The following IKZF2 variants were observed in gnomAD, a reference collection of about 807,000 sequenced individuals.
The protein encoded by IKZF2 is zinc finger protein Helios.
IKZF2 carries 15 observed loss-of-function variants against 49.2 expected under a neutral mutation model. The ratio of observed to expected loss-of-function variants is 0.30; its 90% CI spans 0.20 to 0.47. The LOEUF is 0.47. Ranked by LOEUF, IKZF2 falls within the 20% of genes least tolerant of loss-of-function variation. IKZF2 has a pLI of 1.00. For missense variants in IKZF2, 567 were observed against 664.6 expected (o/e 0.85, Z 1.61); for synonymous variants, 227 against 221.4 (o/e 1.03, Z -0.23).
At chr2:213,034,154 T>C (rs1303375719) in intron 6 of IKZF2, among the ~76,000 whole-genome samples, 1 of 152,240 alleles carries the variant, frequency 6.6e-6, no homozygotes. Context: ...AAATTGAATA[T>C]TGTTAGGGTC....
chr2:213,124,806 G>A (rs1001179064), intron 4 of IKZF2, among the ~76,000 whole-genome samples: 11 of 152,146 alleles, frequency 7.2e-5, no homozygotes, highest in African/African-American at 2.4e-4. Context: ...CAAACTCAGA[G>A]TTCTCTACCA....
Position 213,056,864 on chromosome 2 carries a change from A to T in IKZF2, c.375T>A (p.Asn125Lys), listed in dbSNP as rs764486924. 1 of 1,613,802 alleles carries T rather than the reference A, an allele frequency of 6.2e-7. No individual in the cohort carries two copies. Reference sequence around the variant, plus strand: ...GACTCCTTTTATGTACCATAAGCACATTGGGCCCAATGCAAACCATGCCAC... The same window carrying T: ...GACTCCTTTTATGTACCATAAGCACTTTGGGCCCAATGCAAACCATGCCAC... ...DVCGMVCIGP[N>K]VLMVHKRSHT... The change falls in exon 5 of 9, where the codon AAT becomes AAA. Residue 125 changes from asparagine to lysine, a missense_variant. Asn to Lys is a moderately conservative substitution (Grantham distance 94, BLOSUM62 0). Coordinates refer to ENST00000434687, the MANE Select transcript of IKZF2 (RefSeq NM_001387220.1).
chr2:213,131,744 T>C (rs539768865), intron 4 of IKZF2, among the ~76,000 whole-genome samples: 1 of 152,262 alleles, frequency 6.6e-6, no homozygotes, highest in Non-Finnish European at 1.5e-5. Flanking sequence ...AACTGCCTTC[T>C]GGGTAAGACT....
chr2:213,005,383 T>C lies in IKZF2; in HGVS notation c.*1977A>G, dbSNP rs533158357. 1 of 152,068 alleles carries C rather than the reference T, an allele frequency of 6.6e-6. No homozygotes were observed. The highest frequency in any genetic ancestry group is 2.1e-4 in the South Asian group (1 of 4,816). The allele number at this position is 152,068 out of a possible 1,614,324, so 9.4% of individuals were successfully genotyped here. On this transcript the variant is annotated 3_prime_UTR_variant, in exon 9 of 9. Coordinates refer to ENST00000434687, the MANE Select transcript of IKZF2 (RefSeq NM_001387220.1). ...CAAAAATAATTATGACAGGGACTAG[T>C]AGAAGAGAGCTGAGTTCTAACCATT...
intron 6 of IKZF2, among the ~76,000 whole-genome samples, chr2:213,047,035 A>T (rs980749938): frequency 5.3e-5 from 8 of 152,142 alleles, no homozygotes; most frequent in African/African-American, 1.9e-4. Context: ...TCAACCAAGC[A>T]AGTAGTGGCA....
At chr2:213,048,804 C>CA (rs1700408464) in intron 6 of IKZF2, among the ~76,000 whole-genome samples, 1 of 151,942 alleles carries the variant, frequency 6.6e-6, no homozygotes, top group Admixed American at 6.6e-5. Flanking sequence ...AGAGATAATA[C>CA]AATAAGCATT....
intron 5 of IKZF2, among the ~76,000 whole-genome samples, chr2:213,050,957 A>G (rs918649453): frequency 4.6e-5 from 7 of 152,136 alleles, no homozygotes; most frequent in African/African-American, 1.7e-4. Flanking sequence ...GAATAAAAAG[A>G]ACATTACAAA....
intron 4 of IKZF2, among the ~76,000 whole-genome samples, chr2:213,089,137 C>A (rs940836016): frequency 6.6e-6 from 1 of 152,172 alleles, no homozygotes; most frequent in East Asian, 1.9e-4. Flanking sequence ...TTCCCCAAGT[C>A]AGTAAGTGAC....
chr2:213,096,732 G>A (rs1205995103), intron 4 of IKZF2, among the ~76,000 whole-genome samples: 1 of 151,934 alleles, frequency 6.6e-6, no homozygotes, highest in Non-Finnish European at 1.5e-5. Flanking sequence ...ATTATTAGGT[G>A]AAAAGAGAGG....
upstream of IKZF2, chr2:213,151,736 C>CGGCGGGCGGCT (rs1553606346): frequency 6.1e-5 from 9 of 146,706 alleles, no homozygotes; most frequent in Admixed American, 2.0e-4. Flanking sequence ...GCGGCGGCGG[C>CGGCGGGCGGCT]GGCGGCGGGC....
rs1491243894 is a variant in IKZF2, at chr2:213,124,235, T to TGCACTCGCGC, written c.139+23472_139+23473insGCGCGAGTGC. 3.1e-3 allele frequency among the ~76,000 whole-genome samples: 361 copies of TGCACTCGCGC among 114,998 alleles called. 10 individuals are homozygous for TGCACTCGCGC. The highest frequency in any genetic ancestry group is 0.022 in the Admixed American group (243 of 11,232). The allele number at this position is 114,998 out of a possible 152,430, so 75.4% of individuals were successfully genotyped here. ...GCATGTCCTTGTGTGCACGCACACA[T>TGCACTCGCGC]GCGCTCGCGCGCGCGCGCACACACA... On this transcript the variant is annotated intron_variant, in intron 4 of 8. Transcript: ENST00000434687.
At chr2:213,084,830 A>G (rs1373369038) in intron 4 of IKZF2, among the ~76,000 whole-genome samples, 2 of 152,208 alleles carry the variant, frequency 1.3e-5, no homozygotes, top group Non-Finnish European at 2.9e-5. Context: ...TTGCTCATGT[A>G]GTATCCCTTT....
intron 4 of IKZF2, among the ~76,000 whole-genome samples, chr2:213,079,414 AGCAT>A (rs149356025): frequency 0.41 from 57,298 of 140,328 alleles, 12,190 homozygotes; most frequent in African/African-American, 0.5. Context: ...GAAGGAAGGA[AGCAT>A]GGAAGGAAGG....
At position 213,004,102 on chromosome 2, in the gene IKZF2, C is replaced by A. The variant is rs1038702189; in HGVS notation, c.*3258G>T. On this transcript the variant is annotated 3_prime_UTR_variant, in exon 9 of 9. Transcript: ENST00000434687. The stretch of plus-strand genomic sequence containing the variant: ...CATTTAAATTCTCTGTATGTTTTTG[C>A]AATACATCTGATCACTCCAACTGCT... 3 of 151,684 alleles carry A rather than the reference C, an allele frequency of 2.0e-5. No homozygotes were observed. The highest frequency in any genetic ancestry group is 7.3e-5 in the African/African-American group (3 of 41,366). 9.4% of individuals were successfully genotyped at this position (151,684 alleles called of 1,614,324 possible). A position where few individuals can be genotyped will look rare whatever the true frequency, so the allele number is the denominator to read the frequency against.
intron 4 of IKZF2, among the ~76,000 whole-genome samples, chr2:213,141,689 C>T (rs188676343): frequency 8.6e-5 from 13 of 151,936 alleles, no homozygotes; most frequent in South Asian, 4.1e-4. Flanking sequence ...TCTCATCCCC[C>T]GTAATAATCA....
At chr2:213,119,449 T>TA (rs1001867676) in intron 4 of IKZF2, among the ~76,000 whole-genome samples, 25 of 151,334 alleles carry the variant, frequency 1.7e-4, no homozygotes, top group Admixed American at 6.6e-4. Context: ...GGAAGTTTCA[T>TA]AAAAAATCTA....
chr2:213,096,764 A>T (rs920851329), intron 4 of IKZF2, among the ~76,000 whole-genome samples: 3 of 151,998 alleles, frequency 2.0e-5, no homozygotes, highest in African/African-American at 7.2e-5. Context: ...TAAAGTTCCC[A>T]TATATAAAAC....
At chr2:213,133,489 G>A (rs1264254689) in intron 4 of IKZF2, among the ~76,000 whole-genome samples, 1 of 152,106 alleles carries the variant, frequency 6.6e-6, no homozygotes, top group Admixed American at 6.5e-5. Context: ...CCAGCACTTT[G>A]GGAGGCTGAG....
chr2:213,012,351 C>T (rs17355973), intron 8 of IKZF2, among the ~76,000 whole-genome samples: 33,752 of 151,420 alleles, frequency 0.22, 4,147 homozygotes, highest in Non-Finnish European at 0.26. Flanking sequence ...TGACAAAAAA[C>T]GTTACAAAGA....
Sources: allele counts gnomAD v4.1 joint callset (sites outside exome capture counted in the v4.1 genomes callset), GRCh38; gene constraint gnomAD v4.1.1; transcripts MANE v1.5; gene names NCBI Gene and HGNC (gene_info 2026-07-23, HGNC 2026-07-21).